Variants in NMBR observed in about 807,000 individuals in gnomAD.
NMBR encodes neuromedin-B receptor.
A neutral mutation model predicts 20.5 loss-of-function variants in NMBR; 16 were observed. That is an observed-to-expected ratio of 0.78 (90% CI 0.53 to 1.19). The LOEUF (loss-of-function observed/expected upper bound fraction) is 1.19. NMBR is among the 50% of genes most tolerant of loss of function. The pLI is 0.00. For missense variants in NMBR, 582 were observed against 499.1 expected (o/e 1.17, Z -1.58); for synonymous variants, 212 against 196.6 (o/e 1.08, Z -0.65).
chr6:142,121,893 C>T (rs1379571178), intron 1 of NMBR, among the ~76,000 whole-genome samples: 3 of 151,868 alleles, frequency 2.0e-5, no homozygotes, highest in African/African-American at 7.3e-5. Context: ...GAGATTACCT[C>T]AAGGTGGTAG....
At chr6:142,093,402 G>A (rs1777375340) in intron 1 of NMBR, among the ~76,000 whole-genome samples, 2 of 147,180 alleles carry the variant, frequency 1.4e-5, no homozygotes, top group South Asian at 4.3e-4. Flanking sequence ...AACATGCAGT[G>A]TTTGGTTTTT....
At chr6:142,087,850 A>G (rs976014434) in intron 2 of NMBR, among the ~76,000 whole-genome samples, 3 of 152,204 alleles carry the variant, frequency 2.0e-5, no homozygotes, top group African/African-American at 7.2e-5. Context: ...ACTCTACTGC[A>G]TAAAGGAAAG....
intron 2 of NMBR, among the ~76,000 whole-genome samples, chr6:142,085,795 C>T (rs1777188181): frequency 6.6e-6 from 1 of 151,994 alleles, no homozygotes; most frequent in Admixed American, 6.6e-5. Context: ...AGGCAAAGAT[C>T]TTGTTAGGCA....
At chr6:142,114,008 CA>C (rs888196433) in intron 1 of NMBR, among the ~76,000 whole-genome samples, 4 of 152,082 alleles carry the variant, frequency 2.6e-5, no homozygotes, top group African/African-American at 9.7e-5. Flanking sequence ...TCTTTATGTC[CA>C]TCCCCCAATC....
At chr6:142,093,167 T>G (rs2114571833) in intron 1 of NMBR, among the ~76,000 whole-genome samples, 1 of 152,118 alleles carries the variant, frequency 6.6e-6, no homozygotes, top group Non-Finnish European at 1.5e-5. Flanking sequence ...TTTTTTTAAT[T>G]ATTCTTTAAG....
At chr6:142,095,682 G>A (rs1463931594) in intron 1 of NMBR, among the ~76,000 whole-genome samples, 1 of 152,124 alleles carries the variant, frequency 6.6e-6, no homozygotes, top group Non-Finnish European at 1.5e-5. Flanking sequence ...GAGTTAGGGA[G>A]GATTCCCTCT....
At chr6:142,134,796 A>G (rs562895686) in intron 1 of NMBR, 83 of 684,774 alleles carry the variant, frequency 1.2e-4, no homozygotes, top group African/African-American at 1.2e-3. Flanking sequence ...GCATGGTTCC[A>G]GAACACTTTG....
intron 1 of NMBR, among the ~76,000 whole-genome samples, chr6:142,095,522 A>G (rs1777432950): frequency 6.6e-6 from 1 of 152,154 alleles, no homozygotes; most frequent in Non-Finnish European, 1.5e-5. Context: ...CATGGTGGAT[A>G]AGCTTTTTGA....
chr6:142,097,219 TG>T (rs1777471366), intron 1 of NMBR, among the ~76,000 whole-genome samples: 1 of 152,170 alleles, frequency 6.6e-6, no homozygotes, highest in Admixed American at 6.6e-5. Flanking sequence ...GTCATTATGA[TG>T]TTAGCTGGTG....
chr6:142,106,387 C>G (rs1777663507), intron 1 of NMBR, among the ~76,000 whole-genome samples: 1 of 152,162 alleles, frequency 6.6e-6, no homozygotes, highest in South Asian at 2.1e-4. Context: ...TCCCGAGGCT[C>G]TAATCTAAAA....
chr6:142,096,238 T>C (rs921211554), intron 1 of NMBR, among the ~76,000 whole-genome samples: 7 of 152,192 alleles, frequency 4.6e-5, no homozygotes, highest in Admixed American at 4.6e-4. Flanking sequence ...CTTTTAATTG[T>C]GATGTTAGGG....
chr6:142,077,881 T>C (rs1776981565), intron 3 of NMBR, among the ~76,000 whole-genome samples: 1 of 152,242 alleles, frequency 6.6e-6, no homozygotes, highest in African/African-American at 2.4e-5. Flanking sequence ...ATTAACACAG[T>C]AGATTTTTAC....
At chr6:142,109,476 CTT>C (rs77684305) in intron 1 of NMBR, among the ~76,000 whole-genome samples, 3,833 of 108,274 alleles carry the variant, frequency 0.035, 35 homozygotes, top group Middle Eastern at 0.12. Flanking sequence ...TTGGGTATGT[CTT>C]TTTTTTTTTT....
chr6:142,078,342 T>G (rs1776993113), intron 3 of NMBR, among the ~76,000 whole-genome samples: 1 of 152,166 alleles, frequency 6.6e-6, no homozygotes, highest in Non-Finnish European at 1.5e-5. Flanking sequence ...TTATCACAGA[T>G]CCAGATAAAT....
In NMBR at chr6:142,078,884, G is replaced by C. The variant is rs148202124; in HGVS notation, c.442C>G (p.Pro148Ala). 763 of 1,612,236 alleles carry C rather than the reference G, an allele frequency of 4.7e-4. 1 individual carries two copies. The highest frequency in any genetic ancestry group is 5.6e-4 in the Non-Finnish European group (661 of 1,179,122). The change falls in exon 3 of 4, where the codon CCC (proline) becomes GCC (alanine). Residue 148 changes from proline to alanine, a missense_variant. By Grantham distance (27) the Pro-to-Ala change is conservative. Transcript: ENST00000258042. ...SADRYRAIVN[P>A]MDMQTSGALL... ...GCCCCTGACGTCTGCATGTCCATGG[G>C]GTTAACGATGGCTCTGTACCTGGGA...
intron 1 of NMBR, among the ~76,000 whole-genome samples, chr6:142,122,666 C>G (rs1254741772): frequency 2.0e-5 from 3 of 151,862 alleles, no homozygotes; most frequent in African/African-American, 7.2e-5. Context: ...AAAGTTGGAG[C>G]TAATATTCAT....
At chr6:142,120,536 T>G (rs907574620) in intron 1 of NMBR, among the ~76,000 whole-genome samples, 3 of 151,812 alleles carry the variant, frequency 2.0e-5, no homozygotes, top group Non-Finnish European at 4.4e-5. Flanking sequence ...TGTTCATGTG[T>G]GACAAGAAAA....
At chr6:142,131,010 C>A (rs976747125) in intron 1 of NMBR, among the ~76,000 whole-genome samples, 7 of 152,118 alleles carry the variant, frequency 4.6e-5, no homozygotes, top group African/African-American at 1.7e-4. Flanking sequence ...CGTTACATAT[C>A]TCCTGTTTTT....
chr6:142,129,580 A>G (rs1008101136), intron 1 of NMBR, among the ~76,000 whole-genome samples: 1 of 149,932 alleles, frequency 6.7e-6, no homozygotes, highest in African/African-American at 2.4e-5. Context: ...GTAGAGACAG[A>G]GAGAGAGAGA....
Sources: gnomAD v4.1 joint callset for allele counts (sites outside exome capture counted in the v4.1 genomes callset) on GRCh38, gnomAD v4.1.1 for gene constraint, MANE v1.5 for transcripts, NCBI Gene and HGNC (gene_info 2026-07-23, HGNC 2026-07-21) for gene names.